KCTD16: variants seen among roughly 807,000 people sequenced by gnomAD.
The protein encoded by KCTD16 is BTB/POZ domain-containing protein KCTD16.
Under a neutral mutation model 33.2 loss-of-function variants are expected in KCTD16, and 13 were observed. That is an observed-to-expected ratio of 0.39 (90% CI 0.25 to 0.62). KCTD16 has a LOEUF of 0.62. Among genes scored for constraint, KCTD16 ranks in the 20% least tolerant of loss-of-function variants. The pLI is 0.50. For missense variants in KCTD16, 441 were observed against 525.1 expected (o/e 0.84, Z 1.57); for synonymous variants, 197 against 195.3 (o/e 1.01, Z -0.07).
At chr5:144,400,489 T>G (rs934605114) in intron 3 of KCTD16, among the ~76,000 whole-genome samples, 2 of 152,174 alleles carry the variant, frequency 1.3e-5, no homozygotes, top group Non-Finnish European at 2.9e-5. Context: ...TTAGTGTTAT[T>G]ATTGATCATA....
intron 3 of KCTD16, among the ~76,000 whole-genome samples, chr5:144,249,954 G>A (rs1580819751): frequency 6.6e-6 from 1 of 152,108 alleles, no homozygotes. Flanking sequence ...ATTAGAAATG[G>A]TCTCAAATTT....
At chr5:144,193,113 A>C (rs1752875237) in intron 2 of KCTD16, among the ~76,000 whole-genome samples, 2 of 152,090 alleles carry the variant, frequency 1.3e-5, no homozygotes, top group Non-Finnish European at 2.9e-5. Context: ...TATATCACTA[A>C]ATCCCTGTAA....
At chr5:144,387,932 C>G in intron 3 of KCTD16, among the ~76,000 whole-genome samples, 1 of 152,010 alleles carries the variant, frequency 6.6e-6, no homozygotes, top group East Asian at 1.9e-4. Context: ...AAGGACACAA[C>G]TCTAGTAAGA....
At chr5:144,257,948 T>C (rs1754897973) in intron 3 of KCTD16, among the ~76,000 whole-genome samples, 1 of 152,190 alleles carries the variant, frequency 6.6e-6, no homozygotes, top group African/African-American at 2.4e-5. Context: ...CGATAAGTTA[T>C]AAGGATATTT....
intron 3 of KCTD16, among the ~76,000 whole-genome samples, chr5:144,356,397 A>G (rs79138040): frequency 6.6e-6 from 1 of 152,132 alleles, no homozygotes; most frequent in Non-Finnish European, 1.5e-5. Flanking sequence ...TATATTTGCA[A>G]TATAACAAAT....
At chr5:144,274,418 G>C (rs1354268820) in intron 3 of KCTD16, among the ~76,000 whole-genome samples, 2 of 152,120 alleles carry the variant, frequency 1.3e-5, no homozygotes, top group Non-Finnish European at 2.9e-5. Flanking sequence ...GCCTTACCAA[G>C]GCATGGTGAT....
At chr5:144,175,348 T>C (rs1003874723) in intron 2 of KCTD16, among the ~76,000 whole-genome samples, 2 of 152,222 alleles carry the variant, frequency 1.3e-5, no homozygotes. Flanking sequence ...GTAGGCTGTA[T>C]TGTTATTGTG....
Position 144,206,859 on chromosome 5 carries a change from T to A in KCTD16, c.145T>A (p.Ser49Thr). 1.1e-5 allele frequency: 17 copies of A among 1,614,032 alleles called. No individual in the cohort carries two copies. The highest frequency in any genetic ancestry group is 1.4e-5 in the Non-Finnish European group (17 of 1,179,988). ...TTCCACATTGATAAGCATCCCTCATTCCCTCCTGTGGAAAATGTTTTCCCC... is the reference window on the plus strand; with the variant it reads ...TTCCACATTGATAAGCATCCCTCATACCCTCCTGTGGAAAATGTTTTCCCC... Reference protein sequence around the residue: ...RHSTLISIPHSLLWKMFSPKR... With the variant: ...RHSTLISIPHTLLWKMFSPKR... Residue 49 changes from serine to threonine, a missense_variant, in exon 3 of 4, where the codon TCC becomes ACC. By Grantham distance (58) the Ser-to-Thr change is moderately conservative. Transcript: ENST00000512467.
chr5:144,473,857 C>T lies in KCTD16; in HGVS notation c.1030C>T (p.Arg344Cys), dbSNP rs868542964. 4 of 1,613,904 alleles carry T rather than the reference C, an allele frequency of 2.5e-6. No homozygotes were observed. The highest frequency in any genetic ancestry group is 2.7e-5 in the African/African-American group (2 of 74,862). Residue 344 changes from arginine (R) to cysteine (C), a missense_variant, in exon 4 of 4, where the codon CGT becomes TGT. By Grantham distance (180) the Arg-to-Cys change is radical. Transcript: ENST00000512467. Reference sequence around the variant, plus strand: ...CCAGACCAACATCCAGACTCTGGACCGTCCCATCAAGAAGGGCCCTGTCCA... The same window carrying T: ...CCAGACCAACATCCAGACTCTGGACTGTCCCATCAAGAAGGGCCCTGTCCA... ...TRQTNIQTLD[R>C]PIKKGPVQLI...
At chr5:144,351,613 T>A (rs529897951) in intron 3 of KCTD16, among the ~76,000 whole-genome samples, 151 of 152,326 alleles carry the variant, frequency 9.9e-4, no homozygotes, top group Middle Eastern at 3.4e-3. Context: ...CCATGTTTAT[T>A]GTAGCACTAT....
intron 3 of KCTD16, among the ~76,000 whole-genome samples, chr5:144,245,209 G>C (rs1754516561): frequency 6.6e-6 from 1 of 152,182 alleles, no homozygotes; most frequent in Non-Finnish European, 1.5e-5. Context: ...GAAGCATACA[G>C]TCTAGAAGGG....
chr5:144,304,977 CTTTTTTTTTTTT>C (rs146638360), intron 3 of KCTD16, among the ~76,000 whole-genome samples: 2 of 83,412 alleles, frequency 2.4e-5, no homozygotes, highest in African/African-American at 1.1e-4. Flanking sequence ...ATATCAAAAT[CTTTTTTTTTTTT>C]TTTTTTTTTT....
chr5:144,183,077 C>T (rs1411425655), intron 2 of KCTD16, among the ~76,000 whole-genome samples: 2 of 151,526 alleles, frequency 1.3e-5, no homozygotes, highest in African/African-American at 4.9e-5. Context: ...GGGAGTAAGA[C>T]CAAAGCAAAA....
intron 3 of KCTD16, among the ~76,000 whole-genome samples, chr5:144,288,523 T>C: frequency 6.6e-6 from 1 of 152,174 alleles, no homozygotes; most frequent in Middle Eastern, 3.2e-3. Context: ...CCCTGGCTAT[T>C]TGTGGGTATA....
chr5:144,302,104 A>G (rs1751457822), intron 3 of KCTD16, among the ~76,000 whole-genome samples: 2 of 152,212 alleles, frequency 1.3e-5, no homozygotes, highest in South Asian at 2.1e-4. Flanking sequence ...GACTTGCCCA[A>G]GAGCAAATAG....
intron 3 of KCTD16, among the ~76,000 whole-genome samples, chr5:144,411,126 A>T (rs1177699710): frequency 2.0e-5 from 3 of 152,212 alleles, no homozygotes; most frequent in Non-Finnish European, 4.4e-5. Flanking sequence ...CAATTTACAG[A>T]CTTAGTGCAA....
At chr5:144,224,033 A>G (rs1166258716) in intron 3 of KCTD16, among the ~76,000 whole-genome samples, 1 of 151,982 alleles carries the variant, frequency 6.6e-6, no homozygotes, top group Non-Finnish European at 1.5e-5. Flanking sequence ...ATTTTTGTTC[A>G]GGTTCGTAGT....
chr5:144,357,839 G>T (rs926256182), intron 3 of KCTD16, among the ~76,000 whole-genome samples: 1 of 152,116 alleles, frequency 6.6e-6, no homozygotes, highest in Non-Finnish European at 1.5e-5. Context: ...TTGAGCCAAA[G>T]CCCTCCTTGT....
chr5:144,245,311 T>A (rs1173590748), intron 3 of KCTD16, among the ~76,000 whole-genome samples: 1 of 151,830 alleles, frequency 6.6e-6, no homozygotes, highest in Non-Finnish European at 1.5e-5. Context: ...AATATAAGAG[T>A]GTATAATGAG....
Sources: gnomAD v4.1 joint callset for allele counts (sites outside exome capture counted in the v4.1 genomes callset) on GRCh38, gnomAD v4.1.1 for gene constraint, MANE v1.5 for transcripts, NCBI Gene and HGNC (gene_info 2026-07-23, HGNC 2026-07-21) for gene names.